SLC35F2: variants seen among roughly 807,000 people sequenced by gnomAD.
The protein encoded by SLC35F2 is queuine/queuosine transporter SLC35F2.
In SLC35F2, 25 loss-of-function variants were observed where a neutral mutation model predicts 38.1. That is an observed-to-expected ratio of 0.66 (90% confidence interval 0.48 to 0.92). The LOEUF is 0.92. SLC35F2 is among the 40% of genes least tolerant of loss of function. The pLI is 0.00. For synonymous variants in SLC35F2, 173 were observed against 181.7 expected (o/e 0.95, Z 0.38); for missense variants, 409 against 452.9 (o/e 0.90, Z 0.88).
At chr11:107,807,778 T>C (rs925988946) in intron 3 of SLC35F2, among the ~76,000 whole-genome samples, 1 of 152,160 alleles carries the variant, frequency 6.6e-6, no homozygotes, top group Non-Finnish European at 1.5e-5. Flanking sequence ...TTTTGTCATG[T>C]TGGCAAGGCT....
chr11:107,802,259 A>C (rs1401881615), intron 7 of SLC35F2, among the ~76,000 whole-genome samples: 1 of 151,690 alleles, frequency 6.6e-6, no homozygotes, highest in Non-Finnish European at 1.5e-5. Context: ...ATAAATAATA[A>C]AATAAAATAA....
At chr11:107,809,757 T>C in intron 3 of SLC35F2, 4 of 983,154 alleles carry the variant, frequency 4.1e-6, no homozygotes, top group Non-Finnish European at 4.8e-6. Flanking sequence ...CCCTGCGACA[T>C]GGGTATAAAA....
chr11:107,846,501 A>G (rs1269923878), intron 1 of SLC35F2, among the ~76,000 whole-genome samples: 1 of 152,220 alleles, frequency 6.6e-6, no homozygotes, highest in African/African-American at 2.4e-5. Flanking sequence ...AAGTAACTAA[A>G]TGGCTTGGCC....
chr11:107,817,861 C>T (rs925242474), intron 1 of SLC35F2, among the ~76,000 whole-genome samples: 8 of 151,010 alleles, frequency 5.3e-5, no homozygotes, highest in Admixed American at 1.3e-4. Context: ...AGTTCGAGAC[C>T]AGCCTAACCA....
intron 1 of SLC35F2, among the ~76,000 whole-genome samples, chr11:107,857,018 G>C (rs927874674): frequency 6.8e-6 from 1 of 147,994 alleles, no homozygotes; most frequent in Non-Finnish European, 1.5e-5. Context: ...GAAGTGACTT[G>C]TCCAGGAAGG....
chr11:107,803,987 G>A (rs954494307), intron 6 of SLC35F2, among the ~76,000 whole-genome samples: 17 of 122,790 alleles, frequency 1.4e-4, no homozygotes, highest in South Asian at 8.2e-4. Flanking sequence ...CACCATGCCC[G>A]GATAATTTTT....
intron 2 of SLC35F2, among the ~76,000 whole-genome samples, chr11:107,812,823 A>G (rs1380439940): frequency 1.3e-5 from 2 of 152,190 alleles, no homozygotes; most frequent in Non-Finnish European, 2.9e-5. Context: ...TTAATTGGTT[A>G]TTTAACTTCT....
intron 1 of SLC35F2, among the ~76,000 whole-genome samples, chr11:107,844,328 G>A (rs187038728): frequency 1.2e-3 from 182 of 152,054 alleles, no homozygotes; most frequent in African/African-American, 4.2e-3. Context: ...AATACCTGCC[G>A]CAGAAAGTTA....
intron 7 of SLC35F2, among the ~76,000 whole-genome samples, chr11:107,800,024 G>A (rs1282905522): frequency 1.3e-5 from 2 of 150,862 alleles, no homozygotes; most frequent in African/African-American, 4.9e-5. Context: ...GAGCAGCTGG[G>A]ATTACAGGCG....
At chr11:107,806,580 A>G (rs983210282) in intron 4 of SLC35F2, 137 bp downstream of exon 4, 3 of 759,242 alleles carry the variant, frequency 4.0e-6, no homozygotes, top group African/African-American at 1.7e-5. Flanking sequence ...ATTCAACACA[A>G]AGTGTGGCAA....
intron 1 of SLC35F2, chr11:107,823,086 T>C (rs1859700785): frequency 1.1e-6 from 1 of 925,954 alleles, no homozygotes; most frequent in Non-Finnish European, 1.3e-6. Flanking sequence ...CTCTACTGAT[T>C]ATATATTTAA....
chr11:107,814,559 G>A (rs560089820), intron 2 of SLC35F2, among the ~76,000 whole-genome samples: 2 of 152,160 alleles, frequency 1.3e-5, no homozygotes, highest in East Asian at 1.9e-4. Context: ...CAGTGGAGCT[G>A]TTCTGTTTGA....
intron 1 of SLC35F2, among the ~76,000 whole-genome samples, chr11:107,838,338 T>C (rs1859961582): frequency 6.6e-6 from 1 of 152,232 alleles, no homozygotes; most frequent in South Asian, 2.1e-4. Flanking sequence ...GTTTCTTTTC[T>C]TTTGAGATGG....
At chr11:107,831,669 T>C (rs769982874) in intron 1 of SLC35F2, among the ~76,000 whole-genome samples, 3 of 152,220 alleles carry the variant, frequency 2.0e-5, no homozygotes, top group Non-Finnish European at 2.9e-5. Context: ...TTTGAGATGG[T>C]TGTCTTGTGA....
chr11:107,821,097 A>G lies in SLC35F2; in HGVS notation c.111-5132T>C, dbSNP rs113053815. 6.8e-3 allele frequency among the ~76,000 whole-genome samples: 1,038 copies of G among 152,308 alleles called. 7 individuals are homozygous for G. Among genetic ancestry groups the G allele is most frequent in the African/African-American group, 0.023 (973 of 41,564 alleles). The stretch of plus-strand genomic sequence containing the variant: ...CATGGGGGAGTTGGATGTCCAAAGT[A>G]CCAGGCACAGAAACCCTAACCAAGT... On this transcript the variant is annotated intron_variant, in intron 1 of 7. Coordinates refer to ENST00000525815, the MANE Select transcript of SLC35F2 (RefSeq NM_017515.5).
At chr11:107,794,933 A>C (rs1859194375) in intron 7 of SLC35F2, among the ~76,000 whole-genome samples, 1 of 152,212 alleles carries the variant, frequency 6.6e-6, no homozygotes, top group Non-Finnish European at 1.5e-5. Flanking sequence ...GATAGAAACC[A>C]AGAAGGCAAT....
intron 1 of SLC35F2, among the ~76,000 whole-genome samples, chr11:107,852,275 G>C (rs879267232): frequency 6.6e-6 from 1 of 152,158 alleles, no homozygotes; most frequent in Non-Finnish European, 1.5e-5. Context: ...ATATTGGCTG[G>C]GCACAGTGGC....
chr11:107,818,387 TACC>T (rs1434488417), intron 1 of SLC35F2, among the ~76,000 whole-genome samples: 2 of 151,784 alleles, frequency 1.3e-5, no homozygotes, highest in East Asian at 3.9e-4. Flanking sequence ...GCTGAGATCA[TACC>T]ACTACAAAAA....
intron 3 of SLC35F2, among the ~76,000 whole-genome samples, chr11:107,808,594 A>T (rs1196957072): frequency 6.6e-6 from 1 of 152,072 alleles, no homozygotes; most frequent in Non-Finnish European, 1.5e-5. Context: ...AGGCCCCTAA[A>T]TCTCCAACAG....
Sources: allele counts gnomAD v4.1 joint callset (sites outside exome capture counted in the v4.1 genomes callset), GRCh38; gene constraint gnomAD v4.1.1; transcripts MANE v1.5; gene names NCBI Gene and HGNC (gene_info 2026-07-23, HGNC 2026-07-21).